The following RNF212 variants were observed in gnomAD, a reference collection of about 807,000 sequenced individuals.
The protein encoded by RNF212 is ring finger protein 212.
RNF212 carries 33 observed loss-of-function variants against 34.7 expected under a neutral mutation model. The observed-to-expected ratio is 0.95, with a 90% CI of 0.72 to 1.27. The LOEUF (loss-of-function observed/expected upper bound fraction) is 1.27. Ranked by LOEUF, RNF212 falls within the 50% of genes most tolerant of loss-of-function variation. The pLI, the probability that RNF212 is intolerant of heterozygous loss-of-function variation, is 0.00. For synonymous variants in RNF212, 140 were observed against 136.1 expected (o/e 1.03, Z -0.20); for missense variants, 377 against 362.2 (o/e 1.04, Z -0.33).
intron 2 of RNF212, among the ~76,000 whole-genome samples, chr4:1,099,105 G>T (rs1723520095): frequency 6.6e-6 from 1 of 152,160 alleles, no homozygotes; most frequent in Non-Finnish European, 1.5e-5. Flanking sequence ...ACAGACCTCA[G>T]TGAGGCCTGA....
At chr4:1,089,866 T>C (rs1298650261) in intron 4 of RNF212, among the ~76,000 whole-genome samples, 1 of 152,260 alleles carries the variant, frequency 6.6e-6, no homozygotes, top group Non-Finnish European at 1.5e-5. Flanking sequence ...GTAAGTTTCC[T>C]GAGGCCTTCC....
chr4:1,075,099 G>A (rs936671616), intron 8 of RNF212, among the ~76,000 whole-genome samples: 1 of 152,218 alleles, frequency 6.6e-6, no homozygotes, highest in African/African-American at 2.4e-5. Context: ...AGACAGTGGT[G>A]CAAACCTTTC....
intron 5 of RNF212, among the ~76,000 whole-genome samples, chr4:1,084,083 G>C (rs1044695277): frequency 2.0e-5 from 3 of 151,866 alleles, no homozygotes; most frequent in Non-Finnish European, 4.4e-5. Flanking sequence ...TGAATAGCTG[G>C]GATTACAGGT....
rs763861724 is a variant in RNF212, at chr4:1,081,390, C to T, written c.464+29G>A. 2.5e-6 allele frequency: 4 copies of T among 1,602,412 alleles called. No individual in the cohort carries two copies. The Admixed American group carries it at 6.7e-5, about 27-fold the overall frequency. ...TGCAGAATCGGAAAGACCTGCAGGTCCTGTGATTTCTGCAAGCAACCCACA... is the reference window on the plus strand; with the variant it reads ...TGCAGAATCGGAAAGACCTGCAGGTTCTGTGATTTCTGCAAGCAACCCACA... On this transcript the variant is annotated intron_variant, in intron 7 of 9. Transcript: ENST00000433731.
intron 2 of RNF212, among the ~76,000 whole-genome samples, chr4:1,097,868 C>T (rs896537689): frequency 3.3e-5 from 5 of 152,166 alleles, no homozygotes; most frequent in African/African-American, 1.2e-4. Context: ...AGTTTAAGAC[C>T]AGGCTGGCCA....
intron 8 of RNF212, among the ~76,000 whole-genome samples, chr4:1,078,960 CCAACATAGGACCAACACAGGGT>C: frequency 1.3e-5 from 2 of 150,812 alleles, no homozygotes; most frequent in African/African-American, 2.4e-5. Context: ...CAACACAGGA[CCAACATAGGACCAACACAGGGT>C]CAACACAGGA....
intron 7 of RNF212, among the ~76,000 whole-genome samples, chr4:1,080,184 G>C (rs1720100335): frequency 6.6e-6 from 1 of 152,178 alleles, no homozygotes; most frequent in African/African-American, 2.4e-5. Context: ...GATTCATTTT[G>C]CGTTGGCCCC....
chr4:1,108,730 T>C (rs7691553), intron 1 of RNF212, among the ~76,000 whole-genome samples: 123,459 of 152,068 alleles, frequency 0.81, 51,717 homozygotes, highest in East Asian at 1. Flanking sequence ...CAAGGTCTTG[T>C]TCTGTTGCCC....
chr4:1,098,112 C>A (rs1454004040), intron 2 of RNF212, among the ~76,000 whole-genome samples: 2 of 152,058 alleles, frequency 1.3e-5, no homozygotes, highest in Non-Finnish European at 2.9e-5. Flanking sequence ...AAGAAAGGGA[C>A]AAACACCAGA....
chr4:1,085,768 G>C, intron 5 of RNF212, 128 bp downstream of exon 5: 1 of 716,798 alleles, frequency 1.4e-6, no homozygotes. Flanking sequence ...AAAGTTTCTG[G>C]TAAATGAACG....
chr4:1,059,063 G>A (rs1717558952), intron 3 of RNF212, among the ~76,000 whole-genome samples: 1 of 152,216 alleles, frequency 6.6e-6, no homozygotes, highest in Admixed American at 6.5e-5. Context: ...ACCCCAGGAT[G>A]GGAAACCCAC....
downstream of RNF212, among the ~76,000 whole-genome samples, chr4:1,070,480 A>C (rs1316749601): frequency 3.4e-5 from 3 of 87,220 alleles, no homozygotes; most frequent in African/African-American, 9.2e-5. Context: ...GTGCTGTGTC[A>C]GCGTGGGTGC....
chr4:1,061,965 G>A (rs1436726974), intron 3 of RNF212, among the ~76,000 whole-genome samples: 1 of 152,122 alleles, frequency 6.6e-6, no homozygotes, highest in East Asian at 1.9e-4. Flanking sequence ...CACGCTGTGC[G>A]GCCCAGATCG....
At chr4:1,112,676 C>G (rs1377954288) in intron 1 of RNF212, among the ~76,000 whole-genome samples, 1 of 149,466 alleles carries the variant, frequency 6.7e-6, no homozygotes, top group Admixed American at 6.6e-5. Context: ...ACTCGTGGCC[C>G]GACCCCTGTG....
intron 1 of RNF212, among the ~76,000 whole-genome samples, chr4:1,112,531 G>T (rs1180786031): frequency 6.6e-6 from 1 of 151,978 alleles, no homozygotes; most frequent in Non-Finnish European, 1.5e-5. Flanking sequence ...CTGTCCACTT[G>T]ACACCAGGGC....
At chr4:1,071,117 G>GT (rs1259853579), downstream of RNF212, among the ~76,000 whole-genome samples, 1 of 146,880 alleles carries the variant, frequency 6.8e-6, no homozygotes, top group Admixed American at 6.8e-5. Context: ...AAACTAATTT[G>GT]TTTTTTTAAA....
intron 8 of RNF212, among the ~76,000 whole-genome samples, chr4:1,078,967 A>G (rs549954861): frequency 3.3e-4 from 50 of 150,596 alleles, no homozygotes; most frequent in Admixed American, 9.9e-4. Context: ...GGACCAACAT[A>G]GGACCAACAC....
intron 3 of RNF212, chr4:1,093,250 G>T: frequency 2.0e-6 from 1 of 495,504 alleles, no homozygotes. Flanking sequence ...GCCCCAGAGA[G>T]CTTTGCTTAT....
chr4:1,110,712 C>G (rs1438956850), intron 1 of RNF212, among the ~76,000 whole-genome samples: 1 of 152,074 alleles, frequency 6.6e-6, no homozygotes, highest in Admixed American at 6.5e-5. Context: ...GGATATACAC[C>G]AGAGCTAAAC....
Sources: gnomAD v4.1 joint callset for allele counts (sites outside exome capture counted in the v4.1 genomes callset) on GRCh38, gnomAD v4.1.1 for gene constraint, MANE v1.5 for transcripts, NCBI Gene and HGNC (gene_info 2026-07-23, HGNC 2026-07-21) for gene names.